CSPP1: variants seen among roughly 807,000 people sequenced by gnomAD.
CSPP1 encodes centrosome and spindle pole-associated protein 1.
Under a neutral mutation model 164.4 loss-of-function variants are expected in CSPP1, and 126 were observed. The observed-to-expected ratio is 0.77, with a 90% CI of 0.66 to 0.89. The LOEUF is 0.89. Ranked by LOEUF, CSPP1 falls within the 40% of genes least tolerant of loss-of-function variation. CSPP1 has a pLI of 0.00. For missense variants in CSPP1, 1,395 were observed against 1,449.8 expected (o/e 0.96, Z 0.61); for synonymous variants, 472 against 476.7 (o/e 0.99, Z 0.13).
In CSPP1 at chr8:67,088,238, A is replaced by C. The variant is rs373959427; in HGVS notation, c.303+2128A>C. ...AGAAATTGCCGTCATGAAAGTACAA[A>C]TCTTTAAATTCAAAGGGATGTGAAG... On this transcript the variant is annotated intron_variant, in intron 4 of 30. Transcript: ENST00000678616. 1.1e-4 allele frequency among the ~76,000 whole-genome samples: 17 copies of C among 152,156 alleles called. No individual in the cohort carries two copies. The South Asian group carries it at 3.5e-3, about 32-fold the overall frequency.
At chr8:67,150,169 T>C (rs919838098) in intron 18 of CSPP1, among the ~76,000 whole-genome samples, 1 of 152,154 alleles carries the variant, frequency 6.6e-6, no homozygotes, top group Admixed American at 6.5e-5. Context: ...TGTAACTTGC[T>C]GTGTATCCTT....
At position 67,118,196 on chromosome 8, in the gene CSPP1, A is replaced by T. The variant is rs1467573575; in HGVS notation, c.1497-52A>T. 2.2e-5 allele frequency: 35 copies of T among 1,593,366 alleles called. 1 individual carries two copies. The East Asian group carries it at 6.0e-4, about 28-fold the overall frequency. On this transcript the variant is annotated intron_variant, in intron 13 of 30. Coordinates refer to ENST00000678616, the MANE Select transcript of CSPP1 (RefSeq NM_001382391.1). Reference sequence around the variant, plus strand: ...CAAAAGAGTAACATCTTGATTTTTTAAAAAATTGCAATGAAATATGAGAGG... The same window carrying T: ...CAAAAGAGTAACATCTTGATTTTTTTAAAAATTGCAATGAAATATGAGAGG...
At chr8:67,180,513 T>C (rs565068448) in intron 28 of CSPP1, among the ~76,000 whole-genome samples, 1 of 152,246 alleles carries the variant, frequency 6.6e-6, no homozygotes, top group Non-Finnish European at 1.5e-5. Context: ...ACAACTTGTT[T>C]GCAGGGGTAG....
chr8:67,187,297 C>T (rs772514059), intron 28 of CSPP1, among the ~76,000 whole-genome samples: 14 of 152,190 alleles, frequency 9.2e-5, no homozygotes, highest in Non-Finnish European at 2.1e-4. Flanking sequence ...AGGACTCTCA[C>T]AGCTGACTTC....
intron 1 of CSPP1, chr8:67,065,488 G>C: frequency 1.0e-6 from 1 of 967,130 alleles, no homozygotes; most frequent in Non-Finnish European, 1.2e-6. Flanking sequence ...GCTTTATTCT[G>C]TGTGAAGGAA....
chr8:67,076,483 G>A lies in CSPP1; in HGVS notation c.101G>A (p.Gly34Glu), dbSNP rs1400798825. ...TTGTAAACATTATGTCTCTTTCAGG[G>A]AAAGTTGTCAGCGAAGCTTTCTGAA... ...ESDPPYMEMKGKLSAKLSENS... is the reference protein window; with the variant it reads ...ESDPPYMEMKEKLSAKLSENS... The change falls in exon 3 of 31, where the codon GGA (glycine) becomes GAA (glutamate). Residue 34 changes from glycine to glutamate, a missense_variant and splice_region_variant. By Grantham distance (98) the Gly-to-Glu change is moderately conservative. Transcript: ENST00000678616. The A allele has an allele frequency of 1.3e-6, 2 of 1,567,122 alleles. No homozygotes were observed. The highest frequency in any genetic ancestry group is 2.0e-5 in the Admixed American group (1 of 51,122).
chr8:67,081,098 T>C (rs183001254), intron 3 of CSPP1: 8 of 152,350 alleles, frequency 5.3e-5, no homozygotes, highest in African/African-American at 2.4e-5. Context: ...ATAAACTCTC[T>C]AGGGGTTCAC....
chr8:67,136,904 C>T (rs140147050), intron 16 of CSPP1, among the ~76,000 whole-genome samples: 54 of 152,018 alleles, frequency 3.6e-4, no homozygotes, highest in African/African-American at 1.2e-3. Flanking sequence ...GTCTGAAGTA[C>T]CTTAGTGGCT....
intron 1 of CSPP1, among the ~76,000 whole-genome samples, chr8:67,066,445 T>C (rs1157776363): frequency 6.6e-6 from 1 of 151,798 alleles, no homozygotes; most frequent in Non-Finnish European, 1.5e-5. Flanking sequence ...CCACCGCACA[T>C]GTTATCACAC....
chr8:67,177,116 A>G (rs1327724105), intron 26 of CSPP1, among the ~76,000 whole-genome samples: 2 of 151,990 alleles, frequency 1.3e-5, no homozygotes, highest in Non-Finnish European at 2.9e-5. Context: ...ACTATAAACA[A>G]TCACAAACAT....
At chr8:67,097,769 T>C (rs1813122497) in intron 7 of CSPP1, among the ~76,000 whole-genome samples, 1 of 151,970 alleles carries the variant, frequency 6.6e-6, no homozygotes, top group South Asian at 2.1e-4. Flanking sequence ...AATATCATTC[T>C]ATTTGAGAAC....
Position 67,159,947 on chromosome 8 carries a change from T to A in CSPP1, c.2538+810T>A, listed in dbSNP as rs1396431976. Among the ~76,000 whole-genome samples the A allele has an allele frequency of 8.7e-4, 64 of 73,898 alleles. 2 individuals are homozygous for A. Among genetic ancestry groups the A allele is most frequent in the Admixed American group, 1.0e-3 (7 of 6,824 alleles). 48.5% of individuals were successfully genotyped at this position (73,898 alleles called of 152,430 possible). A position where few individuals can be genotyped will look rare whatever the true frequency, so the allele number is the denominator to read the frequency against. On this transcript the variant is annotated intron_variant, in intron 21 of 30. Coordinates refer to ENST00000678616, the MANE Select transcript of CSPP1 (RefSeq NM_001382391.1). ...TTCCTTTCCTTCCTTCCTTCCTTCC[T>A]TCCTTCCTTCTTTCTTTTCTTTTCT... is the stretch of plus-strand genomic sequence containing the variant.
chr8:67,144,600 T>C (rs1379435682), intron 17 of CSPP1, among the ~76,000 whole-genome samples: 1 of 152,082 alleles, frequency 6.6e-6, no homozygotes, highest in African/African-American at 2.4e-5. Context: ...CCACCATACC[T>C]GGCTAATTTT....
rs758310938 is a variant in CSPP1 at position 67,093,651 on chromosome 8, G to C, written c.483+10G>C. ...GGAAAAGAGTACTGAGGTAGGTTTTGCTTTTGAATTAAATCTGTACTACTA... is the reference window on the plus strand; with the variant it reads ...GGAAAAGAGTACTGAGGTAGGTTTTCCTTTTGAATTAAATCTGTACTACTA... On this transcript the variant is annotated intron_variant, in intron 6 of 30. Transcript: ENST00000678616. The C allele has an allele frequency of 6.5e-6, 10 of 1,533,980 alleles. No individual in the cohort carries two copies. Among genetic ancestry groups the C allele is most frequent in the Non-Finnish European group, 8.1e-6 (9 of 1,110,650 alleles).
rs187734521 is a variant in CSPP1, at chr8:67,151,463, C to G, written c.2128+1528C>G. Among the ~76,000 whole-genome samples, 10 of 152,210 alleles carry G rather than the reference C, an allele frequency of 6.6e-5. No individual in the cohort carries two copies. In the East Asian group the frequency reaches 1.7e-3, roughly 26 times the overall value. The stretch of plus-strand genomic sequence containing the variant: ...AGAGTCTTTCTCTACCCTTTTCTTC[C>G]ATACCTGGTATTGTTTGTAGTTCTG... On this transcript the variant is annotated intron_variant, in intron 18 of 30. Coordinates refer to ENST00000678616, the MANE Select transcript of CSPP1 (RefSeq NM_001382391.1).
At chr8:67,116,275 T>C (rs1817913390) in intron 13 of CSPP1, among the ~76,000 whole-genome samples, 153 bp downstream of exon 13, 1 of 152,208 alleles carries the variant, frequency 6.6e-6, no homozygotes, top group African/African-American at 2.4e-5. Flanking sequence ...TTTGTTTTTT[T>C]CTCTGCTATT....
At chr8:67,102,650 A>G (rs996610717) in intron 7 of CSPP1, among the ~76,000 whole-genome samples, 1 of 152,190 alleles carries the variant, frequency 6.6e-6, no homozygotes, top group Non-Finnish European at 1.5e-5. Flanking sequence ...TTTTGATTTA[A>G]AAAATGTTCT....
At chr8:67,162,181 A>C (rs1441634528) in intron 22 of CSPP1, among the ~76,000 whole-genome samples, 1 of 152,200 alleles carries the variant, frequency 6.6e-6, no homozygotes. Flanking sequence ...TTTAGATTGA[A>C]CTACAAGGAA....
At chr8:67,093,499 C>T in intron 5 of CSPP1, 44 bp from the exon 6 acceptor site, 18 of 1,236,348 alleles carry the variant, frequency 1.5e-5, no homozygotes, top group Admixed American at 3.8e-5. Flanking sequence ...ATTTTTTTTT[C>T]CTGAAGTTGA....
Sources: gnomAD v4.1 joint callset for allele counts (sites outside exome capture counted in the v4.1 genomes callset) on GRCh38, gnomAD v4.1.1 for gene constraint, MANE v1.5 for transcripts, NCBI Gene and HGNC (gene_info 2026-07-23, HGNC 2026-07-21) for gene names.